NCKAP1: variants seen among roughly 807,000 people sequenced by gnomAD.
NCKAP1 encodes the protein nck-associated protein 1.
Under a neutral mutation model 151.2 loss-of-function variants are expected in NCKAP1, and 21 were observed. That is an observed-to-expected ratio of 0.14 (90% CI 0.10 to 0.20). NCKAP1 has a LOEUF of 0.20. Among genes scored for constraint, NCKAP1 ranks in the 10% least tolerant of loss-of-function variants. NCKAP1 has a pLI of 1.00. For missense variants in NCKAP1, 933 were observed against 1,352.1 expected, an observed-to-expected ratio of 0.69 and a Z score of 4.86; for synonymous variants, 484 against 451.8, an observed-to-expected ratio of 1.07 and a Z score of -0.90.
chr2:182,928,730 A>G, intron 28 of NCKAP1, 53 bp downstream of exon 28: 7 of 1,240,582 alleles, frequency 5.6e-6, no homozygotes, highest in Non-Finnish European at 8.0e-6. Context: ...TTATTATAAA[A>G]TACCAAAACC....
chr2:182,940,239 AAACT>A (rs910131468), intron 24 of NCKAP1, among the ~76,000 whole-genome samples: 10 of 152,166 alleles, frequency 6.6e-5, no homozygotes, highest in Non-Finnish European at 1.5e-4. Context: ...GAAAAAAACA[AAACT>A]AATAAGAATA....
chr2:182,936,823 G>T (rs1696884646), intron 24 of NCKAP1, among the ~76,000 whole-genome samples: 1 of 152,140 alleles, frequency 6.6e-6, no homozygotes, highest in African/African-American at 2.4e-5. Flanking sequence ...CTGATACCCA[G>T]ATGACCAGTA....
chr2:182,942,806 T>A (rs1418859167), intron 23 of NCKAP1, among the ~76,000 whole-genome samples: 1 of 151,960 alleles, frequency 6.6e-6, no homozygotes, highest in Non-Finnish European at 1.5e-5. Flanking sequence ...CATTGAAGAA[T>A]GTTCTCCTCA....
chr2:182,999,889 A>C lies in NCKAP1; in HGVS notation c.603+2064T>G, dbSNP rs189227097. On this transcript the variant is annotated intron_variant, in intron 6 of 30. Coordinates refer to ENST00000361354, the MANE Select transcript of NCKAP1 (RefSeq NM_013436.5). ...GAACTGGAGGCCATTATCAAAAGAGATTTAATGCACAAACGGAAAACCAAA... is the reference window on the plus strand; with the variant it reads ...GAACTGGAGGCCATTATCAAAAGAGCTTTAATGCACAAACGGAAAACCAAA... 2.5e-3 allele frequency among the ~76,000 whole-genome samples: 387 copies of C among 152,304 alleles called. 1 individual carries two copies. The highest frequency in any genetic ancestry group is 2.6e-3 in the Admixed American group (40 of 15,292).
rs1696597607 is a variant in NCKAP1, at chr2:182,924,220, C to T, written c.*1482G>A. Reference sequence around the variant, plus strand: ...TTAAATATAGGCTGGACAAATCATACACAAAATAATAGCATAATCTCATAG... The same window carrying T: ...TTAAATATAGGCTGGACAAATCATATACAAAATAATAGCATAATCTCATAG... On this transcript the variant is annotated 3_prime_UTR_variant, in exon 31 of 31. Transcript: ENST00000361354. The T allele has an allele frequency of 6.6e-6, 1 of 152,174 alleles. No individual in the cohort carries two copies. Among genetic ancestry groups the T allele is most frequent in the Admixed American group, 6.5e-5 (1 of 15,274 alleles). 9.4% of individuals were successfully genotyped at this position (152,174 alleles called of 1,614,324 possible).
At chr2:183,033,462 C>G (rs761058397) in intron 1 of NCKAP1, among the ~76,000 whole-genome samples, 2 of 152,168 alleles carry the variant, frequency 1.3e-5, no homozygotes, top group Non-Finnish European at 2.9e-5. Context: ...TCCGACAATC[C>G]TACTTACACA....
chr2:183,035,591 T>C (rs1699086518), intron 1 of NCKAP1, among the ~76,000 whole-genome samples: 1 of 152,114 alleles, frequency 6.6e-6, no homozygotes, highest in African/African-American at 2.4e-5. Context: ...GCAGTAAGAA[T>C]GCAGACAGCA....
At chr2:182,930,047 T>C (rs1696729385) in intron 27 of NCKAP1, among the ~76,000 whole-genome samples, 1 of 152,048 alleles carries the variant, frequency 6.6e-6, no homozygotes, top group Non-Finnish European at 1.5e-5. Context: ...CCCATTAGCA[T>C]ACAAATGCTG....
In NCKAP1 at chr2:183,037,968, G is replaced by A. The variant is rs763606446; in HGVS notation, c.108+24C>T. ...CCTCCCGGGCCCGCCCGCCTCCGCC[G>A]CGGCCTCCCCGGCCCGTGCGCACCT... is the stretch of plus-strand genomic sequence containing the variant. On this transcript the variant is annotated intron_variant, in intron 1 of 30. Coordinates refer to ENST00000361354, the MANE Select transcript of NCKAP1 (RefSeq NM_013436.5). The A allele has an allele frequency of 3.3e-5, 51 of 1,552,256 alleles. No homozygotes were observed. In the South Asian group the frequency reaches 5.4e-4, roughly 17 times the overall value.
chr2:183,014,068 C>A (rs924334607), intron 2 of NCKAP1, among the ~76,000 whole-genome samples: 1 of 152,120 alleles, frequency 6.6e-6, no homozygotes, highest in Non-Finnish European at 1.5e-5. Context: ...AACTCTTTAC[C>A]TGGTATTATA....
chr2:182,977,992 T>G (rs1697859721), intron 14 of NCKAP1, among the ~76,000 whole-genome samples: 1 of 152,180 alleles, frequency 6.6e-6, no homozygotes, highest in African/African-American at 2.4e-5. Context: ...TCTCCTAAGC[T>G]CTCTGATTCT....
intron 2 of NCKAP1, among the ~76,000 whole-genome samples, chr2:183,017,540 T>C (rs1698716226): frequency 6.6e-6 from 1 of 152,040 alleles, no homozygotes; most frequent in African/African-American, 2.4e-5. Flanking sequence ...CAGGCAGTAA[T>C]GTGAGTGATG....
At chr2:182,934,541 T>C (rs985624259) in intron 26 of NCKAP1, 9 of 431,266 alleles carry the variant, frequency 2.1e-5, no homozygotes, top group African/African-American at 1.6e-4. Flanking sequence ...TGCATTGCTA[T>C]AGGTGATCAA....
At chr2:182,934,858 C>G in intron 25 of NCKAP1, 26 bp from the exon 26 acceptor site, 1 of 1,130,722 alleles carries the variant, frequency 8.8e-7, no homozygotes, top group Non-Finnish European at 1.3e-6. Flanking sequence ...AATAAGAATA[C>G]AGAATTATTT....
At chr2:183,026,109 G>A (rs1449613247) in intron 1 of NCKAP1, among the ~76,000 whole-genome samples, 2 of 152,126 alleles carry the variant, frequency 1.3e-5, no homozygotes, top group Admixed American at 6.5e-5. Context: ...ATATATAAAT[G>A]AGCAGCTCTT....
At chr2:182,956,021 C>T (rs1697317771) in intron 20 of NCKAP1, among the ~76,000 whole-genome samples, 1 of 152,082 alleles carries the variant, frequency 6.6e-6, no homozygotes, top group African/African-American at 2.4e-5. Flanking sequence ...CAGTAATTTT[C>T]AGTTCACTAT....
At chr2:182,959,164 AT>A (rs1697387554) in intron 18 of NCKAP1, among the ~76,000 whole-genome samples, 1 of 152,196 alleles carries the variant, frequency 6.6e-6, no homozygotes, top group Non-Finnish European at 1.5e-5. Flanking sequence ...TGGGATTGGT[AT>A]TTGGGGAAAA....
rs772431001 is a variant in NCKAP1, at chr2:182,956,580, G to A, written c.2035C>T (p.His679Tyr). 3 of 1,602,340 alleles carry A rather than the reference G, an allele frequency of 1.9e-6. No individual in the cohort carries two copies. Among genetic ancestry groups the A allele is most frequent in the African/African-American group, 1.3e-5 (1 of 74,462 alleles). Residue 679 changes from histidine (H) to tyrosine (Y), a missense_variant, in exon 20 of 31, where the codon CAC becomes TAC. This residue lies in a region of NCKAP1 where 326 missense variants were observed against 557.1 expected (regional missense o/e 0.59). Transcript: ENST00000361354. ...AAGCATAACTCAGAAAGTGCAGTGTGCAATTTATCAAGGCTGAAAAAAATT... is the reference window on the plus strand; with the variant it reads ...AAGCATAACTCAGAAAGTGCAGTGTACAATTTATCAAGGCTGAAAAAAATT... ...RLVVTNLDKL[H>Y]TALSELCFSI... is the part of the protein sequence containing the mutation.
chr2:182,956,763 G>T, intron 19 of NCKAP1, 170 bp from the exon 20 acceptor site: 1 of 592,384 alleles, frequency 1.7e-6, no homozygotes, highest in Non-Finnish European at 2.7e-6. Context: ...TAACACATAA[G>T]AGCAATATTC....
Sources: gnomAD v4.1 joint callset for allele counts (sites outside exome capture counted in the v4.1 genomes callset) on GRCh38, gnomAD v4.1.1 for gene constraint, gnomAD v4.1.1 regional missense constraint, MANE v1.5 for transcripts, NCBI Gene and HGNC (gene_info 2026-07-23, HGNC 2026-07-21) for gene names.